The following FAM117B variants were observed in gnomAD, a reference collection of about 807,000 sequenced individuals.
FAM117B encodes protein FAM117B.
Under a neutral mutation model 52.8 loss-of-function variants are expected in FAM117B, and 22 were observed. The observed-to-expected ratio is 0.42, with a 90% CI of 0.30 to 0.59. FAM117B has a LOEUF of 0.59. FAM117B is among the 20% of genes least tolerant of loss of function. FAM117B has a pLI of 0.22. For synonymous variants in FAM117B, 309 were observed against 324.1 expected (o/e 0.95, Z 0.50); for missense variants, 678 against 802.6 (o/e 0.84, Z 1.88).
intron 5 of FAM117B, 83 bp from the exon 6 acceptor site, chr2:202,757,130 T>C: frequency 1.5e-6 from 2 of 1,327,962 alleles, no homozygotes; most frequent in Non-Finnish European, 2.1e-6. Context: ...TCTGGCACTA[T>C]ATGGGAAGGT....
chr2:202,719,398 T>C (rs1274692947), intron 2 of FAM117B, among the ~76,000 whole-genome samples: 1 of 148,970 alleles, frequency 6.7e-6, no homozygotes, highest in Non-Finnish European at 1.5e-5. Flanking sequence ...AACTTTTTAT[T>C]TTGAGAAAAA....
chr2:202,765,624 A>T lies in FAM117B; in HGVS notation c.1630A>T (p.Thr544Ser), dbSNP rs770995798. The T allele has an allele frequency of 1.1e-5, 17 of 1,614,166 alleles. No individual in the cohort carries two copies. In the South Asian group the frequency reaches 1.4e-4, roughly 14 times the overall value. ...CCTGACAGTCACCACTGGCATGACAACCACTCTGCTGCAGCCTATTGCTGT... is the reference window on the plus strand; with the variant it reads ...CCTGACAGTCACCACTGGCATGACATCCACTCTGCTGCAGCCTATTGCTGT... The part of the protein sequence containing the change: ...HSLTVTTGMT[T>S]TLLQPIAVAS... Residue 544 changes from threonine to serine, a missense_variant, in exon 8 of 8, where the codon ACC (threonine) becomes TCC (serine). This residue lies in a region of FAM117B where 68 missense variants were observed against 80.6 expected (regional missense o/e 0.84). Transcript: ENST00000392238.
intron 2 of FAM117B, among the ~76,000 whole-genome samples, chr2:202,722,291 C>T (rs1327915258): frequency 6.6e-6 from 1 of 152,062 alleles, no homozygotes; most frequent in Non-Finnish European, 1.5e-5. Flanking sequence ...CATGAGCCAC[C>T]ACGCCTGGCC....
At chr2:202,673,906 T>C (rs1188423479) in intron 1 of FAM117B, among the ~76,000 whole-genome samples, 1 of 152,216 alleles carries the variant, frequency 6.6e-6, no homozygotes, top group Non-Finnish European at 1.5e-5. Context: ...GAGGTTACAG[T>C]GTCTTCTACA....
At chr2:202,655,753 AGAGAGAGAGTGT>A (rs1202652470) in intron 1 of FAM117B, among the ~76,000 whole-genome samples, 1 of 131,656 alleles carries the variant, frequency 7.6e-6, no homozygotes, top group African/African-American at 3.7e-5. Flanking sequence ...AGAGAGAGAG[AGAGAGAGAGTGT>A]GTGTGTGTGT....
intron 1 of FAM117B, among the ~76,000 whole-genome samples, chr2:202,638,654 A>C (rs1213750201): frequency 2.6e-5 from 4 of 152,012 alleles, no homozygotes; most frequent in Non-Finnish European, 5.9e-5. Context: ...TCTGTATCAG[A>C]ATTAGGGTGT....
chr2:202,753,519 C>T (rs146287873), intron 4 of FAM117B, among the ~76,000 whole-genome samples: 1 of 152,242 alleles, frequency 6.6e-6, no homozygotes, highest in African/African-American at 2.4e-5. Context: ...CAAATGGGAT[C>T]TAATTAAGCT....
rs1324327305 is a variant in FAM117B, at chr2:202,761,816, C to T, written c.1451+2463C>T. Among the ~76,000 whole-genome samples the T allele has an allele frequency of 3.3e-5, 5 of 152,118 alleles. No individual in the cohort carries two copies. In the South Asian group the frequency reaches 6.2e-4, roughly 19 times the overall value. ...TGCTGGGATTACAGGCATGAGCCACCGTGCCTAGTCATGTTACATGTTTTA... is the reference window on the plus strand; with the variant it reads ...TGCTGGGATTACAGGCATGAGCCACTGTGCCTAGTCATGTTACATGTTTTA... On this transcript the variant is annotated intron_variant, in intron 7 of 7. Coordinates refer to ENST00000392238, the MANE Select transcript of FAM117B (RefSeq NM_173511.4).
At position 202,635,897 on chromosome 2, in the gene FAM117B, TG is replaced by T. The variant is rs1219531669; in HGVS notation, c.601+114del. 30 of 949,584 alleles carry T rather than the reference TG, an allele frequency of 3.2e-5. No individual in the cohort carries two copies. In the East Asian group the frequency reaches 9.6e-4, roughly 30 times the overall value. 58.8% of individuals were successfully genotyped at this position (949,584 alleles called of 1,614,324 possible). A position where few individuals can be genotyped will look rare whatever the true frequency, so the allele number is the denominator to read the frequency against. ...AGAGCTGCCGCGGAGCCCGGGTGGCTGGGGGCGGGGCTGGGGGCGGTGCCGG... is the reference window on the plus strand; with the variant it reads ...AGAGCTGCCGCGGAGCCCGGGTGGCTGGGGCGGGGCTGGGGGCGGTGCCGG... On this transcript the variant is annotated intron_variant, in intron 1 of 7. Coordinates refer to ENST00000392238, the MANE Select transcript of FAM117B (RefSeq NM_173511.4).
In FAM117B at chr2:202,766,404, A is replaced by G. The variant is rs1691981227; in HGVS notation, c.*640A>G. 6.5e-6 allele frequency: 1 copy of G among 152,714 alleles called. No individual in the cohort carries two copies. Among genetic ancestry groups the G allele is most frequent in the African/African-American group, 2.4e-5 (1 of 41,446 alleles). 9.5% of individuals were successfully genotyped at this position (152,714 alleles called of 1,614,324 possible). Reference sequence around the variant, plus strand: ...AAGGATTGATAGGTAAATGCATTGAACAAGTATATATAAAAAGAGATTAAA... The same window carrying G: ...AAGGATTGATAGGTAAATGCATTGAGCAAGTATATATAAAAAGAGATTAAA... On this transcript the variant is annotated 3_prime_UTR_variant, in exon 8 of 8. Coordinates refer to ENST00000392238, the MANE Select transcript of FAM117B (RefSeq NM_173511.4).
chr2:202,698,549 A>G lies in FAM117B; in HGVS notation c.753+2517A>G, dbSNP rs143265712. On this transcript the variant is annotated intron_variant, in intron 2 of 7. Transcript: ENST00000392238. ...GCAATTCTCCTGTTTCAGCCTCCCAAGTAGCTGGGACTACAAGCGCACGCC... is the reference window on the plus strand; with the variant it reads ...GCAATTCTCCTGTTTCAGCCTCCCAGGTAGCTGGGACTACAAGCGCACGCC... Among the ~76,000 whole-genome samples the G allele has an allele frequency of 8.5e-3, 1,296 of 152,152 alleles. 25 individuals are homozygous for G. The highest frequency in any genetic ancestry group is 0.029 in the African/African-American group (1,224 of 41,498).
chr2:202,689,473 G>A (rs888547041), intron 1 of FAM117B, among the ~76,000 whole-genome samples: 13 of 151,988 alleles, frequency 8.6e-5, no homozygotes, highest in Admixed American at 8.5e-4. Context: ...CTGGATGGTG[G>A]ACTATTAGAA....
chr2:202,654,062 TGAGAGAGAGA>T lies in FAM117B; in HGVS notation c.601+18300_601+18309del, dbSNP rs60490884. Among the ~76,000 whole-genome samples, 593 of 134,840 alleles carry T rather than the reference TGAGAGAGAGA, an allele frequency of 4.4e-3. 1 individual carries two copies. Among genetic ancestry groups the T allele is most frequent in the African/African-American group, 0.013 (487 of 36,884 alleles). The allele number at this position is 134,840 out of a possible 152,430, so 88.5% of individuals were successfully genotyped here. On this transcript the variant is annotated intron_variant, in intron 1 of 7. Transcript: ENST00000392238. Reference sequence around the variant, plus strand: ...GGAGGGGGTGCGGGAAGAGAGTGAGTGAGAGAGAGAGAGAGAGAGAGAGAGAGAGAGAGAG... The same window carrying T: ...GGAGGGGGTGCGGGAAGAGAGTGAGTGAGAGAGAGAGAGAGAGAGAGAGAG...
intron 2 of FAM117B, among the ~76,000 whole-genome samples, chr2:202,719,588 G>A (rs1280208367): frequency 6.6e-6 from 1 of 152,138 alleles, no homozygotes. Context: ...ATTTCAGCAT[G>A]TATATGAACA....
intron 1 of FAM117B, among the ~76,000 whole-genome samples, chr2:202,659,983 G>C (rs528030526): frequency 3.3e-5 from 5 of 151,572 alleles, no homozygotes; most frequent in Non-Finnish European, 7.4e-5. Context: ...AATTTCTGTT[G>C]ATCTATTTTT....
rs188420025 is a variant in FAM117B, at chr2:202,749,584, T to A, written c.961-5954T>A. On this transcript the variant is annotated intron_variant, in intron 4 of 7. Transcript: ENST00000392238. ...GTTGTTATCTCTGGTGATTGACATGTATTTAATTTTCTTTCTTCACTGAAT... is the reference window on the plus strand; with the variant it reads ...GTTGTTATCTCTGGTGATTGACATGAATTTAATTTTCTTTCTTCACTGAAT... 1.2e-3 allele frequency among the ~76,000 whole-genome samples: 184 copies of A among 152,228 alleles called. 2 individuals carry two copies. The highest frequency in any genetic ancestry group is 0.012 in the Admixed American group (184 of 15,300).
chr2:202,665,848 G>T (rs1690197319), intron 1 of FAM117B, among the ~76,000 whole-genome samples: 1 of 152,044 alleles, frequency 6.6e-6, no homozygotes, highest in Admixed American at 6.5e-5. Context: ...TGTTCTGCCT[G>T]CCTTGGCCTC....
rs1014571180 is a variant in FAM117B at position 202,635,135 on chromosome 2, CCAA to C, written c.-43_-41del. The stretch of plus-strand genomic sequence containing the variant: ...GCCTCGAGAATCCTCCCCCTGCAGC[CCAA>C]CAACAACAAAACCCCCCGTCTCGCC... On this transcript the variant is annotated 5_prime_UTR_variant, in exon 1 of 8. Coordinates refer to ENST00000392238, the MANE Select transcript of FAM117B (RefSeq NM_173511.4). 22 of 1,250,936 alleles carry C rather than the reference CCAA, an allele frequency of 1.8e-5. No individual in the cohort carries two copies. The highest frequency in any genetic ancestry group is 1.1e-4 in the African/African-American group (7 of 64,522). 77.5% of individuals were successfully genotyped at this position (1,250,936 alleles called of 1,614,324 possible).
At chr2:202,759,731 G>C (rs1339846150) in intron 7 of FAM117B, among the ~76,000 whole-genome samples, 2 of 151,942 alleles carry the variant, frequency 1.3e-5, no homozygotes, top group Non-Finnish European at 2.9e-5. Flanking sequence ...CTAATTTTTT[G>C]TATTTTTAGT....
Sources: allele counts gnomAD v4.1 joint callset (sites outside exome capture counted in the v4.1 genomes callset), GRCh38; gene constraint gnomAD v4.1.1; regional missense constraint gnomAD v4.1.1; transcripts MANE v1.5; gene names NCBI Gene and HGNC (gene_info 2026-07-23, HGNC 2026-07-21).